Variants in KCNH8 observed in about 807,000 individuals in gnomAD.
KCNH8 encodes potassium voltage-gated channel subfamily H member 8.
Under a neutral mutation model 103.6 loss-of-function variants are expected in KCNH8, and 70 were observed. That is an observed-to-expected ratio of 0.68 (90% CI 0.56 to 0.82). KCNH8 has a LOEUF of 0.82. Ranked by LOEUF, KCNH8 falls within the 40% of genes least tolerant of loss-of-function variation. The probability of loss-of-function intolerance (pLI) is 0.00; values close to 1 mark genes in which losing one functional copy is unlikely to be tolerated. For synonymous variants in KCNH8, 498 were observed against 489.4 expected (o/e 1.02, Z -0.23); for missense variants, 1,217 against 1,329.9 (o/e 0.92, Z 1.32).
intron 5 of KCNH8, among the ~76,000 whole-genome samples, chr3:19,362,079 A>G (rs757227245): frequency 2.0e-4 from 30 of 152,168 alleles, no homozygotes; most frequent in Non-Finnish European, 3.4e-4. Flanking sequence ...TCAATCAATA[A>G]TGATGATTAT....
At chr3:19,175,864 A>C (rs76442567) in intron 1 of KCNH8, among the ~76,000 whole-genome samples, 9,460 of 152,246 alleles carry the variant, frequency 0.062, 1,029 homozygotes, top group African/African-American at 0.21. Flanking sequence ...GGGGCTAAAA[A>C]AGATCTGTGA....
intron 11 of KCNH8, among the ~76,000 whole-genome samples, chr3:19,469,541 G>A (rs917000531): frequency 1.3e-5 from 2 of 152,070 alleles, no homozygotes; most frequent in Non-Finnish European, 2.9e-5. Flanking sequence ...CGGGGTTCAA[G>A]TGATTCTCCT....
At chr3:19,305,312 G>A (rs2065116164) in intron 3 of KCNH8, among the ~76,000 whole-genome samples, 1 of 152,148 alleles carries the variant, frequency 6.6e-6, no homozygotes, top group Non-Finnish European at 1.5e-5. Flanking sequence ...TCTCTAAAAT[G>A]TATTTCCCTT....
chr3:19,291,408 G>A (rs1329443963), intron 3 of KCNH8, among the ~76,000 whole-genome samples: 1 of 152,126 alleles, frequency 6.6e-6, no homozygotes, highest in Admixed American at 6.5e-5. Context: ...TCTTCACACT[G>A]CTTTGAATGT....
intron 11 of KCNH8, among the ~76,000 whole-genome samples, chr3:19,506,800 G>T (rs564944877): frequency 3.3e-5 from 5 of 152,122 alleles, no homozygotes; most frequent in Non-Finnish European, 7.4e-5. Flanking sequence ...ATCAGCCAAG[G>T]TTGGGGTGGC....
chr3:19,173,194 G>A (rs1385645365), intron 1 of KCNH8, among the ~76,000 whole-genome samples: 1 of 152,010 alleles, frequency 6.6e-6, no homozygotes, highest in Non-Finnish European at 1.5e-5. Flanking sequence ...CAAATGCCAT[G>A]CTGTATTTCT....
intron 8 of KCNH8, chr3:19,448,906 T>A (rs1325475861): frequency 9.2e-7 from 1 of 1,084,170 alleles, no homozygotes; most frequent in Non-Finnish European, 1.2e-6. Context: ...ATGAACGTGC[T>A]TGACCCTCAT....
At chr3:19,388,052 A>C (rs760930410) in intron 5 of KCNH8, among the ~76,000 whole-genome samples, 1 of 151,994 alleles carries the variant, frequency 6.6e-6, no homozygotes. Context: ...CACTTCATTC[A>C]TTCTTCCATT....
Position 19,281,221 on chromosome 3 carries a change from G to A in KCNH8, c.334G>A (p.Asp112Asn). 1 of 1,610,888 alleles carries A rather than the reference G, an allele frequency of 6.2e-7. No homozygotes were observed. Among genetic ancestry groups the A allele is most frequent in the Non-Finnish European group, 8.5e-7 (1 of 1,178,268 alleles). ...KNGSPFWCLL[D>N]IVPIKNEKGD... Reference sequence around the variant, plus strand: ...AGGGTCTCCATTTTGGTGCCTACTGGATATTGTTCCCATAAAGAATGAAAA... The same window carrying A: ...AGGGTCTCCATTTTGGTGCCTACTGAATATTGTTCCCATAAAGAATGAAAA... Residue 112 changes from aspartate to asparagine, a missense_variant, in exon 3 of 16, where the codon GAT (aspartate) becomes AAT (asparagine). Physicochemically the swap from Asp to Asn is conservative, Grantham distance 23. Transcript: ENST00000328405.
At chr3:19,182,900 A>C (rs143868919) in intron 1 of KCNH8, among the ~76,000 whole-genome samples, 1 of 152,378 alleles carries the variant, frequency 6.6e-6, no homozygotes, top group African/African-American at 2.4e-5. Context: ...TTTAAGCCAC[A>C]ACAGTTTTGG....
At chr3:19,336,949 G>A (rs1232378713) in intron 3 of KCNH8, among the ~76,000 whole-genome samples, 1 of 151,974 alleles carries the variant, frequency 6.6e-6, no homozygotes, top group African/African-American at 2.4e-5. Flanking sequence ...GACCTTTTTA[G>A]TGCAAGAAAG....
At chr3:19,376,458 C>T (rs932366672) in intron 5 of KCNH8, among the ~76,000 whole-genome samples, 1 of 152,164 alleles carries the variant, frequency 6.6e-6, no homozygotes, top group Non-Finnish European at 1.5e-5. Context: ...TGCTTCGGCT[C>T]ATGCACGGTG....
At chr3:19,397,958 A>G (rs567999850) in intron 7 of KCNH8, among the ~76,000 whole-genome samples, 1 of 152,058 alleles carries the variant, frequency 6.6e-6, no homozygotes, top group East Asian at 1.9e-4. Flanking sequence ...TTTAATTTTT[A>G]CCCTGTAATC....
chr3:19,497,879 C>T (rs1459663541), intron 11 of KCNH8, among the ~76,000 whole-genome samples: 1 of 152,160 alleles, frequency 6.6e-6, no homozygotes, highest in African/African-American at 2.4e-5. Context: ...ATCAAAGTCT[C>T]TGTGTAGGTC....
At chr3:19,333,849 C>A (rs1005332013) in intron 3 of KCNH8, among the ~76,000 whole-genome samples, 6 of 152,080 alleles carry the variant, frequency 3.9e-5, no homozygotes, top group African/African-American at 1.4e-4. Flanking sequence ...CTACATGATT[C>A]CTCTTTCACT....
At chr3:19,285,061 G>A (rs2064812894) in intron 3 of KCNH8, among the ~76,000 whole-genome samples, 2 of 151,806 alleles carry the variant, frequency 1.3e-5, no homozygotes, top group African/African-American at 2.4e-5. Flanking sequence ...GCCTTTGGTT[G>A]GAGTGGTTCA....
chr3:19,355,377 T>G lies in KCNH8; in HGVS notation c.811+7412T>G, dbSNP rs545987854. The stretch of plus-strand genomic sequence containing the variant: ...ATACCATTTGACCCAGCCATCCCAT[T>G]ACTGGGTATATAACCAAAGGATTAT... On this transcript the variant is annotated intron_variant, in intron 5 of 15. Coordinates refer to ENST00000328405, the MANE Select transcript of KCNH8 (RefSeq NM_144633.3). Among the ~76,000 whole-genome samples the G allele has an allele frequency of 6.6e-5, 10 of 152,314 alleles. No homozygotes were observed. In the East Asian group the frequency reaches 1.7e-3, roughly 26 times the overall value.
chr3:19,258,072 C>G (rs905547739), intron 2 of KCNH8, among the ~76,000 whole-genome samples: 2 of 152,128 alleles, frequency 1.3e-5, no homozygotes, highest in South Asian at 2.1e-4. Flanking sequence ...TTTGGTCCTA[C>G]TCTAATGACC....
chr3:19,498,497 T>C (rs1216740892), intron 11 of KCNH8, among the ~76,000 whole-genome samples: 2 of 152,190 alleles, frequency 1.3e-5, no homozygotes, highest in African/African-American at 2.4e-5. Context: ...TCTCCTCCAC[T>C]TATGAAGCTT....
Sources: allele counts gnomAD v4.1 joint callset (sites outside exome capture counted in the v4.1 genomes callset), GRCh38; gene constraint gnomAD v4.1.1; transcripts MANE v1.5; gene names NCBI Gene and HGNC (gene_info 2026-07-23, HGNC 2026-07-21).